RGS7: variants seen among roughly 807,000 people sequenced by gnomAD.
RGS7 encodes the protein regulator of G protein signaling 7, also known as regulator of G-protein signaling 7.
Under a neutral mutation model 81.1 loss-of-function variants are expected in RGS7, and 27 were observed. The observed-to-expected ratio is 0.33, with a 90% CI of 0.25 to 0.46. RGS7 has a LOEUF of 0.46. RGS7 is among the 20% of genes least tolerant of loss of function. The pLI is 1.00. For synonymous variants in RGS7, 208 were observed against 207.7 expected (o/e 1.00, Z -0.01); for missense variants, 396 against 607.4 (o/e 0.65, Z 3.66).
At chr1:241,245,255 T>C (rs2148168927) in intron 2 of RGS7, among the ~76,000 whole-genome samples, 1 of 152,172 alleles carries the variant, frequency 6.6e-6, no homozygotes, top group African/African-American at 2.4e-5. Context: ...ATGAGGATGC[T>C]TTCTTATGGT....
At chr1:241,286,138 C>T (rs554454858) in intron 2 of RGS7, among the ~76,000 whole-genome samples, 2 of 152,136 alleles carry the variant, frequency 1.3e-5, no homozygotes, top group African/African-American at 2.4e-5. Flanking sequence ...TTCTCTCAGC[C>T]TTTAGCCCAA....
At chr1:241,269,146 G>A (rs558053853) in intron 2 of RGS7, among the ~76,000 whole-genome samples, 1 of 152,288 alleles carries the variant, frequency 6.6e-6, no homozygotes, top group Non-Finnish European at 1.5e-5. Flanking sequence ...TCCCAGATTA[G>A]TTTTAACAGT....
At chr1:241,093,693 A>C (rs2064045453) in intron 3 of RGS7, among the ~76,000 whole-genome samples, 1 of 152,210 alleles carries the variant, frequency 6.6e-6, no homozygotes, top group South Asian at 2.1e-4. Context: ...TCTCAGCACT[A>C]ATGAATTAGA....
chr1:241,217,943 G>A (rs544352708), intron 2 of RGS7, among the ~76,000 whole-genome samples: 4 of 152,186 alleles, frequency 2.6e-5, no homozygotes, highest in Non-Finnish European at 2.9e-5. Context: ...TGTAGCTGGT[G>A]TATTTCTTTC....
At chr1:241,086,727 T>C (rs2063472894) in intron 3 of RGS7, among the ~76,000 whole-genome samples, 1 of 152,200 alleles carries the variant, frequency 6.6e-6, no homozygotes, top group South Asian at 2.1e-4. Flanking sequence ...TTTGAACTCC[T>C]CCAGATTCTA....
chr1:240,827,154 TTG>T lies in RGS7; in HGVS notation c.626_627del (p.Thr209AsnfsTer2). The T allele has an allele frequency of 2.5e-6, 4 of 1,613,664 alleles. No homozygotes were observed. The highest frequency in any genetic ancestry group is 3.4e-6 in the Non-Finnish European group (4 of 1,179,552). On this transcript the variant is annotated frameshift_variant, in exon 10 of 19. Transcript: ENST00000440928. LOFTEE classifies it high-confidence loss of function. ...VHRPVPGCVN[T>X]TEVDIKKSSR... Reference sequence around the variant, plus strand: ...GATGACTTCTTAATGTCCACTTCAGTTGTATTTACACATCCAGGCTGGGAATG... The same window carrying T: ...GATGACTTCTTAATGTCCACTTCAGTTATTTACACATCCAGGCTGGGAATG...
intron 4 of RGS7, among the ~76,000 whole-genome samples, chr1:240,977,024 A>G (rs1684210391): frequency 6.8e-6 from 1 of 146,782 alleles, no homozygotes; most frequent in Non-Finnish European, 1.5e-5. Flanking sequence ...TCTATCATTT[A>G]TCTATCTATC....
intron 2 of RGS7, among the ~76,000 whole-genome samples, chr1:241,204,239 A>C (rs2073725961): frequency 6.6e-6 from 1 of 152,206 alleles, no homozygotes; most frequent in Non-Finnish European, 1.5e-5. Context: ...TCAACACCCA[A>C]GGAGGAGGGT....
rs547009172 is a variant in RGS7, at chr1:241,298,520, G to A, written c.78+57179C>T. On this transcript the variant is annotated intron_variant, in intron 2 of 18. Transcript: ENST00000440928. ...TACTTTATCTTTTCAACTAAATCAC[G>A]CCTTCTGACACTACATTCCCTGACG... is the stretch of plus-strand genomic sequence containing the variant. Among the ~76,000 whole-genome samples the A allele has an allele frequency of 3.9e-5, 6 of 152,162 alleles. No individual in the cohort carries two copies. In the South Asian group the frequency reaches 8.3e-4, roughly 21 times the overall value.
At chr1:241,038,638 C>G (rs2148757777) in intron 3 of RGS7, among the ~76,000 whole-genome samples, 1 of 152,262 alleles carries the variant, frequency 6.6e-6, no homozygotes, top group East Asian at 1.9e-4. Context: ...CAGTTGACTT[C>G]TTGAACTCTA....
intron 2 of RGS7, among the ~76,000 whole-genome samples, chr1:241,313,492 G>A (rs1187338907): frequency 6.6e-6 from 1 of 152,104 alleles, no homozygotes; most frequent in East Asian, 1.9e-4. Context: ...TCTATCAATG[G>A]AGCAACAAGG....
In RGS7 at chr1:241,067,770, C is replaced by T. The variant is rs535780052; in HGVS notation, c.175+30896G>A. On this transcript the variant is annotated intron_variant, in intron 3 of 18. Coordinates refer to ENST00000440928, the MANE Select transcript of RGS7 (RefSeq NM_001364886.1). The stretch of plus-strand genomic sequence containing the variant: ...CCTCAGGTGATCCACCTGCCTCGGC[C>T]TCCCAAAGTGCTGGGATTACAGGCA... Among the ~76,000 whole-genome samples the T allele has an allele frequency of 5.9e-5, 9 of 152,196 alleles. No homozygotes were observed. In the South Asian group the frequency reaches 1.2e-3, roughly 21 times the overall value.
intron 3 of RGS7, among the ~76,000 whole-genome samples, chr1:241,089,051 CTCTCTCTCTCTCTA>C (rs1186632229): frequency 7.3e-4 from 39 of 53,546 alleles, no homozygotes; most frequent in Non-Finnish European, 1.2e-3. Flanking sequence ...CTCTCTCTCT[CTCTCTCTCTCTCTA>C]TATATATATA....
chr1:241,299,493 T>C lies in RGS7; in HGVS notation c.78+56206A>G, dbSNP rs192911968. Among the ~76,000 whole-genome samples, 11 of 152,048 alleles carry C rather than the reference T, an allele frequency of 7.2e-5. No homozygotes were observed. The East Asian group carries it at 2.1e-3, about 29-fold the overall frequency. ...AAAAGACTTTCTTAGCAAATCTCAT[T>C]TCTGAGAGCTTTGTATAGAAATTTC... On this transcript the variant is annotated intron_variant, in intron 2 of 18. Coordinates refer to ENST00000440928, the MANE Select transcript of RGS7 (RefSeq NM_001364886.1).
At chr1:241,260,351 A>C (rs1179230615) in intron 2 of RGS7, among the ~76,000 whole-genome samples, 1 of 152,234 alleles carries the variant, frequency 6.6e-6, no homozygotes, top group Non-Finnish European at 1.5e-5. Flanking sequence ...ATACCTGCTC[A>C]GTGGCTGAAT....
intron 2 of RGS7, among the ~76,000 whole-genome samples, chr1:241,230,462 CCTT>C (rs2075591569): frequency 6.6e-6 from 1 of 152,180 alleles, no homozygotes; most frequent in Admixed American, 6.5e-5. Context: ...GATCTGCCCA[CCTT>C]AGCCTCCCAA....
At chr1:241,278,545 A>T (rs1459276881) in intron 2 of RGS7, among the ~76,000 whole-genome samples, 1 of 152,130 alleles carries the variant, frequency 6.6e-6, no homozygotes, top group Non-Finnish European at 1.5e-5. Context: ...GGGTGAAGGC[A>T]GCTACAGGAG....
chr1:241,185,723 A>G (rs1347655876), intron 2 of RGS7, among the ~76,000 whole-genome samples: 2 of 152,186 alleles, frequency 1.3e-5, no homozygotes, highest in African/African-American at 4.8e-5. Context: ...ATTTAAAAAC[A>G]TGTTTCTAAA....
At chr1:240,913,887 G>GT (rs950124956) in intron 6 of RGS7, among the ~76,000 whole-genome samples, 12 of 148,584 alleles carry the variant, frequency 8.1e-5, no homozygotes, top group Admixed American at 2.0e-4. Context: ...TCTTCCTTTT[G>GT]TTTTTTTTGT....
Sources: allele counts gnomAD v4.1 joint callset (sites outside exome capture counted in the v4.1 genomes callset), GRCh38; gene constraint gnomAD v4.1.1; transcripts MANE v1.5; gene names NCBI Gene and HGNC (gene_info 2026-07-23, HGNC 2026-07-21).